TRAPPC3L: variants seen among roughly 807,000 people sequenced by gnomAD.
TRAPPC3L encodes trafficking protein particle complex subunit 3-like protein.
A neutral mutation model predicts 23.7 loss-of-function variants in TRAPPC3L; 23 were observed. The ratio of observed to expected loss-of-function variants is 0.97; its 90% CI spans 0.70 to 1.37. The LOEUF is 1.37. Ranked by LOEUF, TRAPPC3L falls within the 40% of genes most tolerant of loss-of-function variation. The pLI is 0.00. For synonymous variants in TRAPPC3L, 81 were observed against 77.9 expected (o/e 1.04, Z -0.21); for missense variants, 212 against 216.8 (o/e 0.98, Z 0.14).
chr6:116,509,376 C>T (rs1772066294), intron 3 of TRAPPC3L, among the ~76,000 whole-genome samples: 1 of 151,920 alleles, frequency 6.6e-6, no homozygotes, highest in South Asian at 2.1e-4. Flanking sequence ...AAAAAAGAGC[C>T]CCAACAGCCA....
chr6:116,511,696 C>G, intron 3 of TRAPPC3L: 2 of 1,612,600 alleles, frequency 1.2e-6, no homozygotes, highest in Non-Finnish European at 1.7e-6. Flanking sequence ...GCATCTCCAA[C>G]ATGGATGCTT....
At chr6:116,517,574 A>G (rs1347833291) in intron 3 of TRAPPC3L, 1 of 152,160 alleles carries the variant, frequency 6.6e-6, no homozygotes, top group Non-Finnish European at 1.5e-5. Flanking sequence ...ACTGAATCCT[A>G]CAAGTATAGG....
rs115220854 is a variant in TRAPPC3L at position 116,540,443 on chromosome 6, G to T, written c.160C>A (p.Arg54=). 5 of 1,551,230 alleles carry T rather than the reference G, an allele frequency of 3.2e-6. No individual in the cohort carries two copies. The highest frequency in any genetic ancestry group is 4.4e-6 in the Non-Finnish European group (5 of 1,146,714). ...CGAGCCAAAAAGTCTTCCACAAGCC[G>T]CGTTCCAATGCCGTAACCCCTGTGG... ...LDKMGYGIGT[R]LVEDFLARSC... is the part of the protein sequence containing the mutation. The change falls in exon 3 of 5, where the codon CGG becomes AGG. Residue 54 remains arginine (R), a synonymous_variant. Transcript: ENST00000368602.
chr6:116,537,936 T>C (rs1438666014), intron 3 of TRAPPC3L, among the ~76,000 whole-genome samples: 1 of 152,242 alleles, frequency 6.6e-6, no homozygotes, highest in East Asian at 1.9e-4. Flanking sequence ...GTAATTTTCC[T>C]GTGGCTAATA....
intron 1 of TRAPPC3L, chr6:116,543,808 T>A: frequency 1.3e-6 from 2 of 1,533,940 alleles, no homozygotes; most frequent in Non-Finnish European, 1.7e-6. Context: ...GTCTGCACAA[T>A]CCCTAATGGC....
Position 116,540,144 on chromosome 6 carries a change from C to T in TRAPPC3L, c.240+219G>A, listed in dbSNP as rs188129016. 8.5e-5 allele frequency among the ~76,000 whole-genome samples: 13 copies of T among 152,276 alleles called. No homozygotes were observed. In the South Asian group the frequency reaches 2.5e-3, roughly 29 times the overall value. The stretch of plus-strand genomic sequence containing the variant: ...CTGTGAGACATATACTCTACACACT[C>T]CTGTAGTCAGGAAAATCTATAGTTG... On this transcript the variant is annotated intron_variant, in intron 3 of 4. Transcript: ENST00000368602.
intron 3 of TRAPPC3L, among the ~76,000 whole-genome samples, chr6:116,534,230 C>T (rs1276567244): frequency 2.6e-5 from 4 of 152,116 alleles, no homozygotes; most frequent in Non-Finnish European, 5.9e-5. Flanking sequence ...CTCTCTGGCT[C>T]GCCTTCCAAG....
chr6:116,520,292 AT>A (rs1772307782), intron 3 of TRAPPC3L: 1 of 152,106 alleles, frequency 6.6e-6, no homozygotes, highest in East Asian at 1.9e-4. Flanking sequence ...TATTAACTAT[AT>A]TATTCTATTT....
At chr6:116,519,857 C>T (rs1435211634) in intron 3 of TRAPPC3L, 1 of 152,024 alleles carries the variant, frequency 6.6e-6, no homozygotes, top group African/African-American at 2.4e-5. Flanking sequence ...TTTGTTTTTC[C>T]TGTGCAGTTC....
chr6:116,504,273 A>C (rs1771968180), intron 3 of TRAPPC3L, among the ~76,000 whole-genome samples: 1 of 152,236 alleles, frequency 6.6e-6, no homozygotes, highest in African/African-American at 2.4e-5. Flanking sequence ...ATAAACTAGA[A>C]ACTCTAGAAG....
chr6:116,535,344 T>C (rs1773009423), intron 3 of TRAPPC3L, among the ~76,000 whole-genome samples: 2 of 152,220 alleles, frequency 1.3e-5, no homozygotes, highest in African/African-American at 4.8e-5. Flanking sequence ...CTCCACTACA[T>C]TGGACATGGT....
chr6:116,529,669 A>G (rs1772578302), intron 3 of TRAPPC3L, among the ~76,000 whole-genome samples: 1 of 152,246 alleles, frequency 6.6e-6, no homozygotes, highest in African/African-American at 2.4e-5. Flanking sequence ...AGGCAGTTGC[A>G]ATGATGTGCC....
chr6:116,529,759 T>C (rs1311612506), intron 3 of TRAPPC3L, among the ~76,000 whole-genome samples: 1 of 152,074 alleles, frequency 6.6e-6, no homozygotes, highest in Admixed American at 6.5e-5. Flanking sequence ...CTCCACAATA[T>C]CAGTGAGAGA....
At chr6:116,501,668 A>G (rs1321011270) in intron 3 of TRAPPC3L, among the ~76,000 whole-genome samples, 1 of 152,212 alleles carries the variant, frequency 6.6e-6, no homozygotes, top group Admixed American at 6.5e-5. Flanking sequence ...AAGCTTCCAG[A>G]GGAAGGATCA....
chr6:116,526,331 G>A (rs866595364), intron 3 of TRAPPC3L, among the ~76,000 whole-genome samples: 2 of 152,198 alleles, frequency 1.3e-5, no homozygotes, highest in Non-Finnish European at 2.9e-5. Context: ...GAAGAATTTG[G>A]ATGGAGGGTC....
At chr6:116,531,286 G>C (rs1348994677) in intron 3 of TRAPPC3L, among the ~76,000 whole-genome samples, 6 of 151,990 alleles carry the variant, frequency 3.9e-5, no homozygotes, top group Admixed American at 3.3e-4. Flanking sequence ...TGGGTGATTG[G>C]GCAGAATGCA....
At position 116,527,761 on chromosome 6, in the gene TRAPPC3L, C is replaced by CCTAGATA. The variant is rs1024823062; in HGVS notation, c.240+12595_240+12601dup. Among the ~76,000 whole-genome samples the CCTAGATA allele has an allele frequency of 3.9e-5, 6 of 152,158 alleles. No homozygotes were observed. In the East Asian group the frequency reaches 1.2e-3, roughly 29 times the overall value. On this transcript the variant is annotated intron_variant, in intron 3 of 4. Coordinates refer to ENST00000368602, the MANE Select transcript of TRAPPC3L (RefSeq NM_001139444.3). Reference sequence around the variant, plus strand: ...AATCTTCAATGCAAAGGCAGAGCAGCCTAGATATTCATGTGCTGGGATACC... The same window carrying CCTAGATA: ...AATCTTCAATGCAAAGGCAGAGCAGCCTAGATACTAGATATTCATGTGCTGGGATACC...
chr6:116,514,654 T>C (rs1772187295), intron 3 of TRAPPC3L, among the ~76,000 whole-genome samples: 1 of 152,142 alleles, frequency 6.6e-6, no homozygotes, highest in Non-Finnish European at 1.5e-5. Flanking sequence ...CAGTCCAGAG[T>C]TGGCATTGGT....
At chr6:116,543,676 T>A in intron 1 of TRAPPC3L, 1 of 750,762 alleles carries the variant, frequency 1.3e-6, no homozygotes, top group South Asian at 1.6e-5. Flanking sequence ...TAACTTGCAA[T>A]GTATTTTCAT....
Sources: allele counts gnomAD v4.1 joint callset (sites outside exome capture counted in the v4.1 genomes callset), GRCh38; gene constraint gnomAD v4.1.1; transcripts MANE v1.5; gene names NCBI Gene and HGNC (gene_info 2026-07-23, HGNC 2026-07-21).